MARCHF8: variants seen among roughly 807,000 people sequenced by gnomAD.
MARCHF8 encodes the protein E3 ubiquitin-protein ligase MARCHF8.
Under a neutral mutation model 51.6 loss-of-function variants are expected in MARCHF8, and 40 were observed. That is an observed-to-expected ratio of 0.77 (90% CI 0.60 to 1.01). MARCHF8 has a LOEUF of 1.01. Among genes scored for constraint, MARCHF8 ranks in the 50% least tolerant of loss-of-function variants. The probability of loss-of-function intolerance (pLI) is 0.00; values close to 1 mark genes in which losing one functional copy is unlikely to be tolerated. For synonymous variants in MARCHF8, 263 were observed against 280.3 expected, an observed-to-expected ratio of 0.94 and a Z score of 0.62; for missense variants, 685 against 708.6, an observed-to-expected ratio of 0.97 and a Z score of 0.38.
At chr10:45,529,417 A>T (rs868735285) in intron 2 of MARCHF8, among the ~76,000 whole-genome samples, 1 of 152,216 alleles carries the variant, frequency 6.6e-6, no homozygotes. Context: ...CCTAAGGCAA[A>T]GAATTCATGC....
rs1336476091 is a variant in MARCHF8 at position 45,576,046 on chromosome 10, C to G, written c.-79+18189G>C. ...TGATTAAAAAGCTTTATTGCTCACA[C>G]AAAGCCTGTTCCGTGGTCTCTTCAC... On this transcript the variant is annotated intron_variant, in intron 1 of 6. Coordinates refer to the MARCHF8 transcript ENST00000319836. Among the ~76,000 whole-genome samples the G allele has an allele frequency of 2.0e-5, 3 of 152,316 alleles. No homozygotes were observed. In the East Asian group the frequency reaches 5.8e-4, roughly 29 times the overall value.
At chr10:45,593,982 T>C (rs555161679) in intron 1 of MARCHF8, among the ~76,000 whole-genome samples, 111 of 152,254 alleles carry the variant, frequency 7.3e-4, no homozygotes, top group Non-Finnish European at 1.3e-3. Flanking sequence ...GTGAGAATAG[T>C]GATAGTGAGG....
At chr10:45,555,874 G>C (rs1774145052) in intron 1 of MARCHF8, among the ~76,000 whole-genome samples, 2 of 152,084 alleles carry the variant, frequency 1.3e-5, no homozygotes, top group South Asian at 4.1e-4. Context: ...TAAAGAGAAA[G>C]AGTCACTCAT....
chr10:45,551,970 A>G (rs532216787), intron 1 of MARCHF8, among the ~76,000 whole-genome samples: 1 of 152,254 alleles, frequency 6.6e-6, no homozygotes, highest in African/African-American at 2.4e-5. Context: ...TGGCCTACTT[A>G]AAAGGCTATA....
chr10:45,506,603 C>T (rs1381033324), intron 2 of MARCHF8, among the ~76,000 whole-genome samples: 1 of 152,210 alleles, frequency 6.6e-6, no homozygotes, highest in East Asian at 1.9e-4. Flanking sequence ...GCACTCAATA[C>T]TGATCTCATT....
intron 2 of MARCHF8, among the ~76,000 whole-genome samples, chr10:45,508,987 G>A (rs1328960870): frequency 6.6e-6 from 1 of 152,122 alleles, no homozygotes; most frequent in African/African-American, 2.4e-5. Context: ...TTTATCTGCA[G>A]ACATCTATTT....
At chr10:45,502,963 G>C (rs139284570) in intron 2 of MARCHF8, among the ~76,000 whole-genome samples, 2 of 152,186 alleles carry the variant, frequency 1.3e-5, no homozygotes, top group Non-Finnish European at 2.9e-5. Context: ...TTCTATGAGG[G>C]GCTCTGAAGG....
intron 1 of MARCHF8, among the ~76,000 whole-genome samples, chr10:45,563,354 T>C (rs917032411): frequency 6.6e-6 from 1 of 152,138 alleles, no homozygotes; most frequent in East Asian, 1.9e-4. Context: ...CAGGTTCTGC[T>C]GGGTCAACAG....
chr10:45,541,846 T>C (rs1458380812), intron 1 of MARCHF8, among the ~76,000 whole-genome samples: 2 of 152,166 alleles, frequency 1.3e-5, no homozygotes, highest in African/African-American at 4.8e-5. Context: ...TCTCAGAAGA[T>C]ACATGCGGCT....
At chr10:45,512,700 G>A (rs372713851) in intron 2 of MARCHF8, among the ~76,000 whole-genome samples, 7 of 152,172 alleles carry the variant, frequency 4.6e-5, no homozygotes, top group East Asian at 1.9e-4. Flanking sequence ...CCCTCTGCCC[G>A]GCCACCACCC....
At chr10:45,472,389 C>T (rs144751556) in intron 3 of MARCHF8, among the ~76,000 whole-genome samples, 4 of 152,340 alleles carry the variant, frequency 2.6e-5, no homozygotes, top group African/African-American at 9.6e-5. Flanking sequence ...ATGAACTAAA[C>T]AGCTACCCTC....
chr10:45,560,373 G>A (rs1473723504), intron 1 of MARCHF8, among the ~76,000 whole-genome samples: 1 of 152,084 alleles, frequency 6.6e-6, no homozygotes, highest in African/African-American at 2.4e-5. Context: ...AGATAACAAG[G>A]GGATGTAAAA....
chr10:45,566,559 T>A (rs1276323443), intron 1 of MARCHF8, among the ~76,000 whole-genome samples: 2 of 152,198 alleles, frequency 1.3e-5, no homozygotes, highest in Admixed American at 1.3e-4. Context: ...TCACTTAACA[T>A]AATGATCTCC....
At chr10:45,520,324 T>G (rs2043686788) in intron 2 of MARCHF8, among the ~76,000 whole-genome samples, 1 of 152,238 alleles carries the variant, frequency 6.6e-6, no homozygotes, top group African/African-American at 2.4e-5. Flanking sequence ...GTTGGCCTAC[T>G]TAAATACAGT....
At chr10:45,473,922 G>A (rs1290824748) in intron 3 of MARCHF8, among the ~76,000 whole-genome samples, 1 of 152,112 alleles carries the variant, frequency 6.6e-6, no homozygotes, top group Non-Finnish European at 1.5e-5. Flanking sequence ...CCTCATCCTG[G>A]TTGGCTCCTT....
chr10:45,591,916 CAG>C (rs2044685342), intron 1 of MARCHF8, among the ~76,000 whole-genome samples: 1 of 152,226 alleles, frequency 6.6e-6, no homozygotes, highest in African/African-American at 2.4e-5. Flanking sequence ...CTACCTCCTC[CAG>C]AGATTTTCTT....
chr10:45,503,114 T>C (rs1321152090), intron 2 of MARCHF8, among the ~76,000 whole-genome samples: 2 of 152,242 alleles, frequency 1.3e-5, no homozygotes, highest in South Asian at 4.1e-4. Context: ...GAGAAGTATG[T>C]ATTTTGTAAC....
At chr10:45,489,507 A>G in intron 2 of MARCHF8, 90 bp from the exon 3 acceptor site, 1 of 1,177,248 alleles carries the variant, frequency 8.5e-7, no homozygotes, top group Admixed American at 1.9e-5. Flanking sequence ...CTACTGACAA[A>G]TCATTCCCTG....
intron 1 of MARCHF8, among the ~76,000 whole-genome samples, chr10:45,546,146 A>T (rs909623792): frequency 6.7e-6 from 1 of 149,980 alleles, no homozygotes; most frequent in Non-Finnish European, 1.5e-5. Flanking sequence ...ATTTTTATTT[A>T]TTTATTTATT....
Sources: gnomAD v4.1 joint callset for allele counts (sites outside exome capture counted in the v4.1 genomes callset) on GRCh38, gnomAD v4.1.1 for gene constraint, MANE v1.5 for transcripts, NCBI Gene and HGNC (gene_info 2026-07-23, HGNC 2026-07-21) for gene names.